FAAH2: variants seen among roughly 807,000 people sequenced by gnomAD.
FAAH2 encodes fatty acid amide hydrolase 2.
A neutral mutation model predicts 36.9 loss-of-function variants in FAAH2; 60 were observed. The ratio of observed to expected loss-of-function variants is 1.63; its 90% confidence interval spans 1.32 to 2.02. The LOEUF (loss-of-function observed/expected upper bound fraction) is 2.02, where lower values mean the gene tolerates loss of function less well. FAAH2 is among the 30% of genes most tolerant of loss of function. FAAH2 has a pLI of 0.00. For missense variants in FAAH2, 689 were observed against 397.5 expected, an observed-to-expected ratio of 1.73 and a Z score of -6.23; for synonymous variants, 214 against 143.8, an observed-to-expected ratio of 1.49 and a Z score of -3.49.
At chrX:57,308,492 T>C (rs1270408981) in intron 2 of FAAH2, among the ~76,000 whole-genome samples, 1 of 111,566 alleles carries the variant, frequency 9.0e-6, no homozygotes, top group Non-Finnish European at 1.9e-5. Flanking sequence ...TATTTTTTGC[T>C]TGTTTAATTG....
chrX:57,349,716 G>A (rs747876912), intron 5 of FAAH2, among the ~76,000 whole-genome samples: 59 of 108,504 alleles, frequency 5.4e-4, no homozygotes, highest in Non-Finnish European at 7.9e-4. Flanking sequence ...ACAAAAATAA[G>A]AGAACAAAGA....
chrX:57,200,957 T>C, the FAAH2 span, among the ~76,000 whole-genome samples: 1 of 111,548 alleles, frequency 9.0e-6, no homozygotes, highest in South Asian at 3.8e-4. Context: ...GTTATGATAT[T>C]GGTAAAATTT....
At chrX:57,330,948 C>A (rs999851931) in intron 3 of FAAH2, among the ~76,000 whole-genome samples, 1 of 110,407 alleles carries the variant, frequency 9.1e-6, no homozygotes, top group Non-Finnish European at 1.9e-5. Flanking sequence ...GCACTGCAAG[C>A]AGGCAGGATC....
chrX:57,381,354 G>A (rs964203735), intron 7 of FAAH2, among the ~76,000 whole-genome samples: 1 of 110,490 alleles, frequency 9.1e-6, no homozygotes. Flanking sequence ...TTAGGTAATA[G>A]AGACAACATT....
chrX:57,352,975 A>C (rs1431286609), intron 5 of FAAH2, among the ~76,000 whole-genome samples: 1 of 111,049 alleles, frequency 9.0e-6, no homozygotes, highest in African/African-American at 3.3e-5. Context: ...AAATGGAAGA[A>C]CATTCTATGC....
intron 5 of FAAH2, 51 bp from the exon 6 acceptor site, chrX:57,378,600 C>A: frequency 8.4e-7 from 1 of 1,191,957 alleles, no homozygotes; most frequent in Non-Finnish European, 1.1e-6. Context: ...ATACAACATG[C>A]AGGGATCATG....
the FAAH2 span, among the ~76,000 whole-genome samples, chrX:57,216,563 T>C: frequency 2.9e-5 from 1 of 34,883 alleles, no homozygotes; most frequent in African/African-American, 2.7e-4. Context: ...TATATATATA[T>C]ACGTATATGT....
At chrX:57,334,760 G>T (rs1156916460) in intron 4 of FAAH2, among the ~76,000 whole-genome samples, 3 of 111,293 alleles carry the variant, frequency 2.7e-5, no homozygotes, top group African/African-American at 6.5e-5. Context: ...ATTTGAAGGA[G>T]ACTTGAGTTA....
the FAAH2 span, among the ~76,000 whole-genome samples, chrX:57,141,871 T>G: frequency 9.0e-6 from 1 of 111,123 alleles, no homozygotes; most frequent in Non-Finnish European, 1.9e-5. Flanking sequence ...TCATGGTGGT[T>G]TGCTGCACCT....
chrX:57,431,073 C>T (rs191243076), intron 7 of FAAH2, among the ~76,000 whole-genome samples: 9 of 111,679 alleles, frequency 8.1e-5, no homozygotes, highest in Admixed American at 2.9e-4. Flanking sequence ...AACACTAAAT[C>T]GAGACTCTCT....
the FAAH2 span, among the ~76,000 whole-genome samples, chrX:57,211,991 T>A: frequency 9.0e-6 from 1 of 111,536 alleles, no homozygotes. Flanking sequence ...ATCTCAGCAG[T>A]TTTGGAGGCC....
intron 7 of FAAH2, among the ~76,000 whole-genome samples, chrX:57,402,416 G>T (rs1001686547): frequency 3.6e-5 from 4 of 111,873 alleles, no homozygotes; most frequent in Non-Finnish European, 5.6e-5. Context: ...TAAAGTGGTA[G>T]CCTTTTTCTT....
intron 10 of FAAH2, among the ~76,000 whole-genome samples, chrX:57,477,080 TG>T (rs1372042563): frequency 9.0e-6 from 1 of 111,020 alleles, no homozygotes; most frequent in East Asian, 2.8e-4. Flanking sequence ...TCTATTTGTT[TG>T]TTCTCTATTT....
chrX:57,228,371 C>G, the FAAH2 span, among the ~76,000 whole-genome samples: 1 of 111,140 alleles, frequency 9.0e-6, no homozygotes, highest in Admixed American at 9.6e-5. Context: ...TAACTTGACT[C>G]GGCTCCAGGT....
chrX:57,364,647 G>T (rs2054369033), intron 5 of FAAH2, among the ~76,000 whole-genome samples: 1 of 108,723 alleles, frequency 9.2e-6, no homozygotes, highest in Admixed American at 9.9e-5. Flanking sequence ...GTAATGTTAG[G>T]GTATTAATTT....
intron 7 of FAAH2, chrX:57,394,671 C>T: frequency 1.1e-6 from 1 of 937,270 alleles, no homozygotes; most frequent in Middle Eastern, 3.0e-4. Context: ...CACAACTTTT[C>T]TCCCATTTGT....
intron 5 of FAAH2, among the ~76,000 whole-genome samples, chrX:57,372,764 TG>T (rs1223072550): frequency 9.1e-6 from 1 of 110,469 alleles, no homozygotes; most frequent in Non-Finnish European, 1.9e-5. Flanking sequence ...GAACAGGTGG[TG>T]TTTGGTTACA....
At chrX:57,410,542 A>G (rs2055671673) in intron 7 of FAAH2, among the ~76,000 whole-genome samples, 1 of 111,819 alleles carries the variant, frequency 8.9e-6, no homozygotes, top group Non-Finnish European at 1.9e-5. Context: ...TCTCATCAAC[A>G]TTGGACCATA....
the FAAH2 span, among the ~76,000 whole-genome samples, chrX:57,280,856 A>G: frequency 8.9e-6 from 1 of 112,542 alleles, no homozygotes; most frequent in African/African-American, 3.2e-5. Flanking sequence ...TAAACAAACC[A>G]TGGCACATCC....
Sources: allele counts gnomAD v4.1 joint callset (sites outside exome capture counted in the v4.1 genomes callset), GRCh38; gene constraint gnomAD v4.1.1; transcripts MANE v1.5; gene names NCBI Gene and HGNC (gene_info 2026-07-23, HGNC 2026-07-21).